Variants in ADAMTSL1 observed in about 807,000 individuals in gnomAD.
The protein encoded by ADAMTSL1 is ADAMTS-like protein 1.
A neutral mutation model predicts 201.8 loss-of-function variants in ADAMTSL1; 126 were observed. The ratio of observed to expected loss-of-function variants is 0.62; its 90% CI spans 0.54 to 0.72. The LOEUF (loss-of-function observed/expected upper bound fraction) is 0.72. Among genes scored for constraint, ADAMTSL1 ranks in the 30% least tolerant of loss-of-function variants. The pLI is 0.00. For synonymous variants in ADAMTSL1, 1,121 were observed against 903.4 expected (o/e 1.24, Z -4.32); for missense variants, 2,679 against 2,277.8 (o/e 1.18, Z -3.59).
At chr9:17,963,133 C>T (rs1817826279) in intron 1 of ADAMTSL1, among the ~76,000 whole-genome samples, 1 of 152,050 alleles carries the variant, frequency 6.6e-6, no homozygotes. Context: ...GTGAAGTGGC[C>T]CAATTATATC....
At chr9:17,978,769 A>AT (rs113667113) in intron 1 of ADAMTSL1, among the ~76,000 whole-genome samples, 6,863 of 151,734 alleles carry the variant, frequency 0.045, 228 homozygotes, top group Non-Finnish European at 0.06. Flanking sequence ...TTTACCATTG[A>AT]TTTTTTTTAC....
At chr9:18,595,969 C>T (rs1311783009) in intron 4 of ADAMTSL1, among the ~76,000 whole-genome samples, 1 of 152,162 alleles carries the variant, frequency 6.6e-6, no homozygotes, top group Non-Finnish European at 1.5e-5. Context: ...AAGGCTCAAA[C>T]AGAGAGACTT....
chr9:18,431,903 C>G (rs926920415), intron 2 of ADAMTSL1, among the ~76,000 whole-genome samples: 1 of 152,082 alleles, frequency 6.6e-6, no homozygotes, highest in Non-Finnish European at 1.5e-5. Flanking sequence ...TTTTTAAATT[C>G]ATGTAGCATA....
intron 20 of ADAMTSL1, among the ~76,000 whole-genome samples, chr9:18,807,514 A>G (rs1050644937): frequency 6.6e-5 from 10 of 152,108 alleles, no homozygotes; most frequent in African/African-American, 1.7e-4. Flanking sequence ...GCGCAGTGGC[A>G]GGCGCCTGTA....
chr9:18,068,638 G>C (rs2131725526), intron 1 of ADAMTSL1, among the ~76,000 whole-genome samples: 1 of 152,266 alleles, frequency 6.6e-6, no homozygotes, highest in East Asian at 1.9e-4. Flanking sequence ...TTCTCAGCTG[G>C]AGCCATGACT....
intron 2 of ADAMTSL1, among the ~76,000 whole-genome samples, chr9:18,196,624 C>G (rs1829194109): frequency 6.6e-6 from 1 of 152,056 alleles, no homozygotes; most frequent in African/African-American, 2.4e-5. Flanking sequence ...GCTCTTCAAA[C>G]CCGATCATCT....
chr9:18,547,631 T>TAA (rs71494960), intron 3 of ADAMTSL1, among the ~76,000 whole-genome samples: 855 of 83,166 alleles, frequency 0.01, 12 homozygotes, highest in African/African-American at 0.033. Context: ...TGTATATATA[T>TAA]ATAAAAAAAA....
chr9:18,390,864 T>G (rs1219493623), intron 2 of ADAMTSL1, among the ~76,000 whole-genome samples: 2 of 152,158 alleles, frequency 1.3e-5, no homozygotes, highest in African/African-American at 4.8e-5. Context: ...TTTTAACCTT[T>G]CCTAGTATAA....
chr9:18,401,634 G>A (rs1437731547), intron 2 of ADAMTSL1, among the ~76,000 whole-genome samples: 7 of 152,196 alleles, frequency 4.6e-5, no homozygotes, highest in Admixed American at 4.6e-4. Context: ...GTTAATGGTT[G>A]CGAGAACACA....
intron 1 of ADAMTSL1, among the ~76,000 whole-genome samples, chr9:18,147,510 G>T (rs145013569): frequency 1.9e-4 from 29 of 152,118 alleles, no homozygotes; most frequent in African/African-American, 6.7e-4. Flanking sequence ...TTGCAGAATG[G>T]GTATAATTTG....
chr9:18,430,088 C>G (rs1459023645), intron 2 of ADAMTSL1, among the ~76,000 whole-genome samples: 2 of 151,974 alleles, frequency 1.3e-5, no homozygotes, highest in African/African-American at 4.8e-5. Flanking sequence ...CCATGCCTGG[C>G]CAATAGTAGT....
chr9:18,719,353 T>G (rs570967182), intron 14 of ADAMTSL1, among the ~76,000 whole-genome samples: 2 of 152,336 alleles, frequency 1.3e-5, no homozygotes, highest in South Asian at 2.1e-4. Context: ...TTATTTTTAT[T>G]AATTTACTTT....
intron 7 of ADAMTSL1, among the ~76,000 whole-genome samples, chr9:18,655,784 G>A (rs1244640727): frequency 8.7e-6 from 1 of 115,166 alleles, no homozygotes; most frequent in Non-Finnish European, 1.7e-5. Flanking sequence ...CACCCCAAGA[G>A]AGCTAGAGGC....
chr9:17,971,621 C>G (rs562980413), intron 1 of ADAMTSL1, among the ~76,000 whole-genome samples: 34 of 152,070 alleles, frequency 2.2e-4, no homozygotes, highest in African/African-American at 8.2e-4. Flanking sequence ...TCCATGTCAA[C>G]AGCTGTTATA....
intron 4 of ADAMTSL1, 160 bp downstream of exon 4, chr9:18,574,426 G>T: frequency 2.7e-6 from 2 of 751,126 alleles, no homozygotes; most frequent in Admixed American, 2.1e-5. Flanking sequence ...TCAGTGAAAA[G>T]TACCAAGTGT....
chr9:18,497,771 A>C (rs1822606172), intron 1 of ADAMTSL1, among the ~76,000 whole-genome samples: 1 of 152,224 alleles, frequency 6.6e-6, no homozygotes, highest in Non-Finnish European at 1.5e-5. Flanking sequence ...ACTGGCTGTG[A>C]AATTGTGTTC....
At chr9:18,310,787 G>T (rs141555438) in intron 2 of ADAMTSL1, among the ~76,000 whole-genome samples, 10,420 of 152,072 alleles carry the variant, frequency 0.069, 1,147 homozygotes, top group African/African-American at 0.24. Flanking sequence ...ATTGTGGAAG[G>T]CACTGTGGCA....
At position 18,670,806 on chromosome 9, in the gene ADAMTSL1, T is replaced by C. The variant is rs1045570711; in HGVS notation, c.1086-5051T>C. Among the ~76,000 whole-genome samples the C allele has an allele frequency of 3.3e-5, 5 of 152,082 alleles. No homozygotes were observed. In the South Asian group the frequency reaches 8.3e-4, roughly 25 times the overall value. Reference sequence around the variant, plus strand: ...ATAAACTAAAGAAAAACTTGTGAAATAGTTAGAAGTTAGTACAGTTGGCCC... The same window carrying C: ...ATAAACTAAAGAAAAACTTGTGAAACAGTTAGAAGTTAGTACAGTTGGCCC... On this transcript the variant is annotated intron_variant, in intron 9 of 28. Coordinates refer to ENST00000380548, the MANE Select transcript of ADAMTSL1 (RefSeq NM_001040272.6).
At chr9:18,635,019 C>A (rs1364844998) in intron 5 of ADAMTSL1, among the ~76,000 whole-genome samples, 1 of 148,338 alleles carries the variant, frequency 6.7e-6, no homozygotes, top group Admixed American at 6.8e-5. Context: ...TTCTGAAGTG[C>A]CTTTCTATCC....
Sources: gnomAD v4.1 joint callset for allele counts (sites outside exome capture counted in the v4.1 genomes callset) on GRCh38, gnomAD v4.1.1 for gene constraint, MANE v1.5 for transcripts, NCBI Gene and HGNC (gene_info 2026-07-23, HGNC 2026-07-21) for gene names.